Variants in VPS35L observed in about 807,000 individuals in gnomAD.
VPS35L encodes the protein VPS35 endosomal protein-sorting factor-like.
Under a neutral mutation model 133.0 loss-of-function variants are expected in VPS35L, and 83 were observed. The ratio of observed to expected loss-of-function variants is 0.62; its 90% CI spans 0.52 to 0.75. The LOEUF is 0.75. Among genes scored for constraint, VPS35L ranks in the 30% least tolerant of loss-of-function variants. The pLI is 0.00. For synonymous variants in VPS35L, 423 were observed against 449.9 expected (o/e 0.94, Z 0.76); for missense variants, 1,083 against 1,206.8 (o/e 0.90, Z 1.52).
At chr16:19,635,936 C>T (rs1331701737) in intron 19 of VPS35L, among the ~76,000 whole-genome samples, 2 of 152,178 alleles carry the variant, frequency 1.3e-5, no homozygotes, top group Non-Finnish European at 2.9e-5. Context: ...GTAATCCCAT[C>T]ACTTTGGGAA....
intron 21 of VPS35L, among the ~76,000 whole-genome samples, chr16:19,640,690 C>T (rs1051454609): frequency 6.6e-6 from 1 of 152,192 alleles, no homozygotes; most frequent in Non-Finnish European, 1.5e-5. Context: ...TTTCCCAAAA[C>T]TGCCCGACTG....
chr16:19,610,575 G>T, intron 12 of VPS35L, 160 bp downstream of exon 12: 1 of 470,738 alleles, frequency 2.1e-6, no homozygotes, highest in Non-Finnish European at 3.7e-6. Context: ...AAGTAGAACT[G>T]TAGGGTTTCT....
chr16:19,646,409 C>T (rs1973950003), intron 23 of VPS35L, among the ~76,000 whole-genome samples: 1 of 152,182 alleles, frequency 6.6e-6, no homozygotes, highest in Non-Finnish European at 1.5e-5. Context: ...TGGCTCACAT[C>T]TGTAATCCCA....
At position 19,638,464 on chromosome 16, in the gene VPS35L, T is replaced by C. The variant is rs185342884; in HGVS notation, c.1698+808T>C. ...CGCAGATAGAACTGACTGCTGTGTA[T>C]ACTATGTTTTATCCTATACATACAT... On this transcript the variant is annotated intron_variant, in intron 20 of 30. Transcript: ENST00000417362. Among the ~76,000 whole-genome samples, 18 of 152,348 alleles carry C rather than the reference T, an allele frequency of 1.2e-4. No individual in the cohort carries two copies. The East Asian group carries it at 3.1e-3, about 26-fold the overall frequency.
At chr16:19,600,813 G>A (rs758489368) in intron 8 of VPS35L, among the ~76,000 whole-genome samples, 1 of 152,190 alleles carries the variant, frequency 6.6e-6, no homozygotes, top group Admixed American at 6.5e-5. Context: ...ATTTCAAGGG[G>A]CAGCTACTAA....
intron 14 of VPS35L, 101 bp downstream of exon 14, chr16:19,616,909 A>G (rs1972914489): frequency 2.0e-6 from 3 of 1,533,148 alleles, no homozygotes; most frequent in African/African-American, 1.4e-5. Flanking sequence ...CATAACAGCT[A>G]TAGCAATGTT....
intron 1 of VPS35L, among the ~76,000 whole-genome samples, chr16:19,558,467 C>G (rs1484500027): frequency 6.6e-6 from 1 of 152,210 alleles, no homozygotes. Context: ...CGGGGTTCCC[C>G]AAATCCCACT....
At chr16:19,556,027 G>C (rs1970844184) in intron 1 of VPS35L, among the ~76,000 whole-genome samples, 1 of 152,170 alleles carries the variant, frequency 6.6e-6, no homozygotes, top group Non-Finnish European at 1.5e-5. Context: ...GAGTTTCCAG[G>C]CTTCCGCGTC....
chr16:19,630,569 C>A (rs8063631), intron 18 of VPS35L, among the ~76,000 whole-genome samples: 7,709 of 151,936 alleles, frequency 0.051, 641 homozygotes, highest in African/African-American at 0.17. Context: ...CTCCTGAGCT[C>A]GCAATCAGCC....
intron 14 of VPS35L, 38 bp downstream of exon 14, chr16:19,616,846 T>C (rs1420111368): frequency 6.2e-7 from 1 of 1,613,878 alleles, no homozygotes; most frequent in Non-Finnish European, 8.5e-7. Flanking sequence ...GCTCACCTCC[T>C]GTATGGTGAC....
intron 7 of VPS35L, 43 bp from the exon 8 acceptor site, chr16:19,591,747 A>G (rs760731166): frequency 6.9e-7 from 1 of 1,446,452 alleles, no homozygotes; most frequent in Non-Finnish European, 9.7e-7. Flanking sequence ...TACCCATACC[A>G]GACATGCCAG....
At position 19,581,668 on chromosome 16, in the gene VPS35L, T is replaced by TCCCCC. The variant is rs5816059; in HGVS notation, c.639+16_639+20dup. On this transcript the variant is annotated intron_variant, in intron 7 of 30. Coordinates refer to ENST00000417362, the MANE Select transcript of VPS35L (RefSeq NM_020314.7). ...TAGTCATCCAGGTTAGCTCTAGTGA[T>TCCCCC]CCCCCACCCCCACCCAGAATTTCCT... 8.6e-5 allele frequency: 139 copies of TCCCCC among 1,607,564 alleles called. No individual in the cohort carries two copies. The highest frequency in any genetic ancestry group is 4.0e-4 in the African/African-American group (29 of 72,884).
chr16:19,561,891 A>T (rs1421890322), intron 1 of VPS35L, among the ~76,000 whole-genome samples: 1 of 152,122 alleles, frequency 6.6e-6, no homozygotes, highest in African/African-American at 2.4e-5. Flanking sequence ...GGATCACCTG[A>T]GGTCAGGAGT....
At chr16:19,560,860 G>A (rs1002253900) in intron 1 of VPS35L, among the ~76,000 whole-genome samples, 5 of 150,958 alleles carry the variant, frequency 3.3e-5, no homozygotes, top group Non-Finnish European at 7.4e-5. Flanking sequence ...CATCTTGACT[G>A]TTGATGACTC....
chr16:19,601,544 C>G, intron 8 of VPS35L, 120 bp from the exon 9 acceptor site: 1 of 924,540 alleles, frequency 1.1e-6, no homozygotes, highest in Non-Finnish European at 1.6e-6. Flanking sequence ...TGGCAGCATA[C>G]CATCACAAGT....
At chr16:19,690,997 C>T (rs1975654108) in intron 28 of VPS35L, among the ~76,000 whole-genome samples, 1 of 151,954 alleles carries the variant, frequency 6.6e-6, no homozygotes, top group Admixed American at 6.6e-5. Flanking sequence ...AAAATCATGT[C>T]TTCACATACT....
chr16:19,624,105 GTC>G (rs1973180350), intron 14 of VPS35L, among the ~76,000 whole-genome samples: 2 of 127,056 alleles, frequency 1.6e-5, no homozygotes, highest in African/African-American at 6.3e-5. Flanking sequence ...TGCCTACCAG[GTC>G]TTTTTTTTTT....
intron 18 of VPS35L, among the ~76,000 whole-genome samples, chr16:19,632,148 AG>A (rs1973476692): frequency 6.6e-6 from 1 of 151,980 alleles, no homozygotes; most frequent in South Asian, 2.1e-4. Flanking sequence ...TTTTTAGTAG[AG>A]ACGGGGTTTC....
intron 1 of VPS35L, among the ~76,000 whole-genome samples, chr16:19,556,229 T>C (rs1222030443): frequency 2.0e-5 from 3 of 152,192 alleles, no homozygotes; most frequent in African/African-American, 7.2e-5. Context: ...CTCAGACTTA[T>C]TCCTTGGCCT....
Sources: gnomAD v4.1 joint callset for allele counts (sites outside exome capture counted in the v4.1 genomes callset) on GRCh38, gnomAD v4.1.1 for gene constraint, MANE v1.5 for transcripts, NCBI Gene and HGNC (gene_info 2026-07-23, HGNC 2026-07-21) for gene names.